SLC41A1: variants seen among roughly 807,000 people sequenced by gnomAD.
SLC41A1 encodes solute carrier family 41 (magnesium transporter), member 1.
SLC41A1 carries 20 observed loss-of-function variants against 47.3 expected under a neutral mutation model. The observed-to-expected ratio is 0.42, with a 90% CI of 0.30 to 0.61. SLC41A1 has a LOEUF of 0.61. Ranked by LOEUF, SLC41A1 falls within the 20% of genes least tolerant of loss-of-function variation. SLC41A1 has a pLI of 0.17. For missense variants in SLC41A1, 504 were observed against 674.1 expected (o/e 0.75, Z 2.79); for synonymous variants, 282 against 272.7 (o/e 1.03, Z -0.34).
chr1:205,806,764 T>C (rs1453571792), intron 2 of SLC41A1, among the ~76,000 whole-genome samples: 1 of 152,224 alleles, frequency 6.6e-6, no homozygotes, highest in Non-Finnish European at 1.5e-5. Context: ...TCACTGCAGA[T>C]GCTGCTGTGC....
chr1:205,796,683 C>T, intron 8 of SLC41A1: 1 of 582,592 alleles, frequency 1.7e-6, no homozygotes, highest in Non-Finnish European at 3.1e-6. Context: ...TCCCCTTGAC[C>T]CTTTAGGAGT....
At chr1:205,792,221 T>A (rs1022466589) in intron 10 of SLC41A1, among the ~76,000 whole-genome samples, 1 of 152,222 alleles carries the variant, frequency 6.6e-6, no homozygotes, top group East Asian at 1.9e-4. Flanking sequence ...CTGGCGGTTG[T>A]CTTAAGTAAC....
At chr1:205,797,785 G>A in intron 7 of SLC41A1, 119 bp downstream of exon 7, 1 of 1,293,852 alleles carries the variant, frequency 7.7e-7, no homozygotes, top group Non-Finnish European at 1.1e-6. Flanking sequence ...ACATGTGACT[G>A]AAACACTAAT....
chr1:205,811,441 T>A (rs1401393190), intron 1 of SLC41A1, among the ~76,000 whole-genome samples: 4 of 152,160 alleles, frequency 2.6e-5, no homozygotes, highest in Non-Finnish European at 5.9e-5. Flanking sequence ...CAAGACCCCT[T>A]CTTGAATGCC....
Position 205,810,447 on chromosome 1 carries a change from G to A in SLC41A1, c.-6C>T, listed in dbSNP as rs373843990. On this transcript the variant is annotated 5_prime_UTR_variant, in exon 2 of 11. Transcript: ENST00000367137. The surrounding 1 kb of genome is among the most constrained non-coding windows in gnomAD (Gnocchi z 5.5). ...GGCTCTGGCTTAGAGGACATGACAGGCACGGAGGAGGGGAAGGGAGAACTT... is the reference window on the plus strand; with the variant it reads ...GGCTCTGGCTTAGAGGACATGACAGACACGGAGGAGGGGAAGGGAGAACTT... 4.3e-6 allele frequency: 7 copies of A among 1,614,094 alleles called. No individual in the cohort carries two copies. In the African/African-American group the frequency reaches 5.3e-5, roughly 12 times the overall value.
Position 205,810,178 on chromosome 1 carries a change from A to G in SLC41A1, c.264T>C (p.Pro88=). ...DVSTDRGPAP[P]SPLKETSFSI... is the part of the protein sequence containing the mutation. ...AAAAGGAGGTCTCCTTGAGCGGGGA[A>G]GGTGGCGCAGGGCCACGGTCTGTGC... Residue 88 remains proline, a synonymous_variant, in exon 2 of 11, where the codon CCT becomes CCC. Coordinates refer to ENST00000367137, the MANE Select transcript of SLC41A1 (RefSeq NM_173854.6). This position sits in a 1 kb window ranked among gnomAD's most constrained non-coding sequence, Gnocchi z 5.5. 1 of 1,614,260 alleles carries G rather than the reference A, an allele frequency of 6.2e-7. No individual in the cohort carries two copies. Among genetic ancestry groups the G allele is most frequent in the Non-Finnish European group, 8.5e-7 (1 of 1,180,036 alleles).
intron 8 of SLC41A1, chr1:205,796,152 C>T (rs907948992): frequency 2.9e-4 from 47 of 160,188 alleles, no homozygotes; most frequent in Admixed American, 1.4e-3. Flanking sequence ...GAGGCAACAG[C>T]AGGCAACCAG....
chr1:205,796,964 G>T lies in SLC41A1; in HGVS notation c.1032C>A (p.Pro344=). 6.2e-7 allele frequency: 1 copy of T among 1,613,498 alleles called. No individual in the cohort carries two copies. The highest frequency in any genetic ancestry group is 8.5e-7 in the Non-Finnish European group (1 of 1,179,792). Reference sequence around the variant, plus strand: ...TGAAGACAGCCATCCCAGCAAAGTTGGGGTCTGAGACAGTCTTGTCCAAGA... The same window carrying T: ...TGAAGACAGCCATCCCAGCAAAGTTTGGGTCTGAGACAGTCTTGTCCAAGA... ...GLILDKTVSD[P]NFAGMAVFTP... is the part of the protein sequence containing the mutation. The change falls in exon 8 of 11, where the codon CCC becomes CCA. Residue 344 remains proline (P), a synonymous_variant. Coordinates refer to ENST00000367137, the MANE Select transcript of SLC41A1 (RefSeq NM_173854.6).
rs374189323 is a variant in SLC41A1, at chr1:205,801,016, C to A, written c.417G>T (p.Val139=). 6.2e-7 allele frequency: 1 copy of A among 1,614,082 alleles called. No individual in the cohort carries two copies. Among genetic ancestry groups the A allele is most frequent in the African/African-American group, 1.3e-5 (1 of 74,930 alleles). Reference sequence around the variant, plus strand: ...TCCCTTTGAGCCCCAGCAGCGCAGGCACTAGGATGAAGACCTCTGTCACCT... The same window carrying A: ...TCCCTTTGAGCCCCAGCAGCGCAGGAACTAGGATGAAGACCTCTGTCACCT... ...FQKVTEVFIL[V]PALLGLKGNL... is the part of the protein sequence containing the mutation. Residue 139 remains valine, a synonymous_variant, in exon 3 of 11, where the codon GTG becomes GTT. Coordinates refer to ENST00000367137, the MANE Select transcript of SLC41A1 (RefSeq NM_173854.6).
At chr1:205,801,251 T>C in intron 2 of SLC41A1, 191 bp from the exon 3 acceptor site, 1 of 563,368 alleles carries the variant, frequency 1.8e-6, no homozygotes, top group South Asian at 1.9e-5. Context: ...ACAACCCCCC[T>C]TCCTGCCACC....
At chr1:205,796,125 C>T (rs746275158) in intron 8 of SLC41A1, 2 of 159,516 alleles carry the variant, frequency 1.3e-5, no homozygotes, top group Non-Finnish European at 2.8e-5. Flanking sequence ...TGGCTGCTTC[C>T]ACTGTTTGTT....
At chr1:205,803,118 G>A (rs570752928) in intron 2 of SLC41A1, among the ~76,000 whole-genome samples, 49 of 152,002 alleles carry the variant, frequency 3.2e-4, no homozygotes, top group African/African-American at 1.1e-3. Flanking sequence ...GCAGTGAGCC[G>A]AGACAGTGCC....
At chr1:205,805,788 C>T (rs1656002799) in intron 2 of SLC41A1, among the ~76,000 whole-genome samples, 1 of 152,182 alleles carries the variant, frequency 6.6e-6, no homozygotes, top group Admixed American at 6.5e-5. Context: ...GTGGTCCTGC[C>T]AGTACCTCTT....
At chr1:205,793,619 G>A (rs141647083) in intron 10 of SLC41A1, among the ~76,000 whole-genome samples, 1,525 of 152,312 alleles carry the variant, frequency 0.01, 21 homozygotes, top group African/African-American at 0.034. Context: ...CAGGACTGGC[G>A]AAATAAAATT....
intron 2 of SLC41A1, among the ~76,000 whole-genome samples, chr1:205,802,719 AAAAAT>A (rs60350796): frequency 0.62 from 82,780 of 133,154 alleles, 28,459 homozygotes; most frequent in Non-Finnish European, 0.76. Flanking sequence ...ACTCTGTCTC[AAAAAT>A]AAAATAAAAT....
Position 205,800,938 on chromosome 1 carries a change from A to C in SLC41A1, c.480+15T>G, listed in dbSNP as rs1452388641. On this transcript the variant is annotated intron_variant, in intron 3 of 10. Transcript: ENST00000367137. ...GTCCTCTCTGTGCCCCACTCCTCCC[A>C]GCCAGGATACTCACTGCAGTGGAAA... is the stretch of plus-strand genomic sequence containing the variant. 1 of 1,611,970 alleles carries C rather than the reference A, an allele frequency of 6.2e-7. No individual in the cohort carries two copies. The highest frequency in any genetic ancestry group is 8.5e-7 in the Non-Finnish European group (1 of 1,178,338).
At chr1:205,802,116 A>T (rs1479653077) in intron 2 of SLC41A1, among the ~76,000 whole-genome samples, 1 of 152,170 alleles carries the variant, frequency 6.6e-6, no homozygotes, top group Non-Finnish European at 1.5e-5. Context: ...TTAAGAATGG[A>T]AAGCCTCCAG....
At chr1:205,801,472 G>A (rs777507664) in intron 2 of SLC41A1, 1 of 297,958 alleles carries the variant, frequency 3.4e-6, no homozygotes, top group Non-Finnish European at 6.5e-6. Context: ...TTTCTCTGTT[G>A]TCTCAGCTGT....
chr1:205,803,267 C>A (rs1321291735), intron 2 of SLC41A1, among the ~76,000 whole-genome samples: 1 of 151,994 alleles, frequency 6.6e-6, no homozygotes, highest in Admixed American at 6.6e-5. Context: ...GGTGGTTCCT[C>A]AAAAAATTAA....
Sources: allele counts gnomAD v4.1 joint callset (sites outside exome capture counted in the v4.1 genomes callset), GRCh38; gene constraint gnomAD v4.1.1; non-coding constraint Gnocchi (gnomAD v3.1); transcripts MANE v1.5; gene names NCBI Gene and HGNC (gene_info 2026-07-23, HGNC 2026-07-21).